The following MAGI1 variants were observed in gnomAD, a reference collection of about 807,000 sequenced individuals.
The protein encoded by MAGI1 is membrane-associated guanylate kinase, WW and PDZ domain-containing protein 1.
Under a neutral mutation model 139.9 loss-of-function variants are expected in MAGI1, and 58 were observed. That is an observed-to-expected ratio of 0.41 (90% CI 0.34 to 0.52). The LOEUF (loss-of-function observed/expected upper bound fraction) is 0.52. Among genes scored for constraint, MAGI1 ranks in the 20% least tolerant of loss-of-function variants. MAGI1 has a pLI of 0.12. For missense variants in MAGI1, 1,874 were observed against 1,901.6 expected, an observed-to-expected ratio of 0.99 and a Z score of 0.27; for synonymous variants, 812 against 737.9, an observed-to-expected ratio of 1.10 and a Z score of -1.63.
At chr3:65,780,343 A>G (rs1461286469) in intron 1 of MAGI1, among the ~76,000 whole-genome samples, 1 of 152,216 alleles carries the variant, frequency 6.6e-6, no homozygotes, top group African/African-American at 2.4e-5. Context: ...ATCTTAAGAT[A>G]TACTGATTAA....
chr3:65,850,924 T>A (rs564691992), intron 1 of MAGI1, among the ~76,000 whole-genome samples: 1 of 152,174 alleles, frequency 6.6e-6, no homozygotes. Flanking sequence ...CTGGCCAACA[T>A]GGTGAAACCC....
intron 12 of MAGI1, among the ~76,000 whole-genome samples, chr3:65,415,691 C>T (rs541133999): frequency 9.2e-5 from 14 of 152,176 alleles, no homozygotes; most frequent in Non-Finnish European, 2.1e-4. Context: ...ACAAACAGAA[C>T]ACAGAGTTTC....
intron 12 of MAGI1, among the ~76,000 whole-genome samples, chr3:65,415,020 C>A (rs12491809): frequency 0.014 from 1,714 of 120,160 alleles, 2 homozygotes; most frequent in African/African-American, 0.021. Context: ...AAAAAAAAAA[C>A]AAAAAAAAAA....
At chr3:65,359,622 T>G in intron 22 of MAGI1, 2 of 994,742 alleles carry the variant, frequency 2.0e-6, no homozygotes, top group South Asian at 4.5e-5. Flanking sequence ...ATATTGGAAC[T>G]TAACATATTA....
chr3:65,674,165 G>A (rs932790394), intron 1 of MAGI1, among the ~76,000 whole-genome samples: 1 of 152,160 alleles, frequency 6.6e-6, no homozygotes, highest in Non-Finnish European at 1.5e-5. Context: ...AAAGATATAA[G>A]CAATGACCAT....
intron 1 of MAGI1, among the ~76,000 whole-genome samples, chr3:65,966,461 C>A (rs2064746151): frequency 6.6e-6 from 1 of 152,074 alleles, no homozygotes; most frequent in African/African-American, 2.4e-5. Context: ...CTTATAGAAT[C>A]CTGAAATTTC....
At chr3:65,818,049 TGTGTG>T (rs1289638138) in intron 1 of MAGI1, among the ~76,000 whole-genome samples, 1 of 151,054 alleles carries the variant, frequency 6.6e-6, no homozygotes, top group Non-Finnish European at 1.5e-5. Flanking sequence ...TATGAGTGTG[TGTGTG>T]TGTGTGTGTG....
intron 1 of MAGI1, among the ~76,000 whole-genome samples, chr3:65,964,529 G>A (rs556475516): frequency 8.9e-4 from 135 of 152,080 alleles, no homozygotes; most frequent in African/African-American, 3.1e-3. Context: ...GGGGTAGTGC[G>A]GGGGCGGGGG....
chr3:65,818,951 T>A (rs1017116664), intron 1 of MAGI1, among the ~76,000 whole-genome samples: 8 of 152,200 alleles, frequency 5.3e-5, no homozygotes, highest in African/African-American at 1.9e-4. Flanking sequence ...TCTATTTAAC[T>A]GTACCCTCAG....
rs893686050 is a variant in MAGI1 at position 65,401,931 on chromosome 3, A to G, written c.2168-461T>C. On this transcript the variant is annotated intron_variant, in intron 12 of 22. Transcript: ENST00000402939. ...CAAAGGAGTACATGGTTAAAATTAA[A>G]AAAATTTTTTTGGTCTTTTCTTTTT... 9 of 983,932 alleles carry G rather than the reference A, an allele frequency of 9.1e-6. No individual in the cohort carries two copies. In the East Asian group the frequency reaches 8.0e-4, roughly 87 times the overall value. The allele number at this position is 983,932 out of a possible 1,614,324, so 61.0% of individuals were successfully genotyped here.
intron 1 of MAGI1, among the ~76,000 whole-genome samples, chr3:65,763,374 T>G (rs1419946964): frequency 6.6e-6 from 1 of 152,186 alleles, no homozygotes; most frequent in Non-Finnish European, 1.5e-5. Context: ...AAGACTTATA[T>G]TACATAAATT....
chr3:65,908,225 C>T (rs1039602257), intron 1 of MAGI1, among the ~76,000 whole-genome samples: 9 of 152,074 alleles, frequency 5.9e-5, no homozygotes, highest in African/African-American at 9.7e-5. Flanking sequence ...AAAATGTCTA[C>T]GAAACAACAA....
intron 1 of MAGI1, among the ~76,000 whole-genome samples, chr3:65,931,974 C>G (rs1480409233): frequency 3.3e-5 from 5 of 152,148 alleles, no homozygotes; most frequent in Admixed American, 2.6e-4. Context: ...TTTCCTGAAA[C>G]TTGGAGTTAC....
intron 1 of MAGI1, among the ~76,000 whole-genome samples, chr3:65,853,281 C>T (rs2108403758): frequency 6.6e-6 from 1 of 152,312 alleles, no homozygotes; most frequent in South Asian, 2.1e-4. Context: ...TAGCCCAACC[C>T]AACATGATGT....
At chr3:65,377,096 A>G (rs1054056029) in intron 17 of MAGI1, among the ~76,000 whole-genome samples, 3 of 152,198 alleles carry the variant, frequency 2.0e-5, no homozygotes, top group Admixed American at 2.0e-4. Flanking sequence ...GGACATTACA[A>G]CTAACTGAGT....
chr3:65,440,128 C>T, intron 8 of MAGI1, 116 bp from the exon 9 acceptor site: 1 of 1,128,786 alleles, frequency 8.9e-7, no homozygotes, highest in Non-Finnish European at 1.3e-6. Context: ...GAGATGCTAA[C>T]CCTCGTGTGT....
intron 2 of MAGI1, among the ~76,000 whole-genome samples, chr3:65,606,621 G>C (rs2082756551): frequency 6.6e-6 from 1 of 152,152 alleles, no homozygotes; most frequent in Non-Finnish European, 1.5e-5. Flanking sequence ...AGGCTCAAGT[G>C]ACTCTCCTGC....
chr3:65,396,806 C>T (rs924295623), intron 13 of MAGI1, among the ~76,000 whole-genome samples: 11 of 152,194 alleles, frequency 7.2e-5, no homozygotes, highest in African/African-American at 2.7e-4. Context: ...AAATCAGAGA[C>T]TCGAATCCAA....
intron 1 of MAGI1, among the ~76,000 whole-genome samples, chr3:65,792,016 T>G (rs1189662337): frequency 6.6e-6 from 1 of 151,984 alleles, no homozygotes; most frequent in Admixed American, 6.6e-5. Context: ...TACCCAAGTC[T>G]ACGTATTTTT....
Sources: allele counts gnomAD v4.1 joint callset (sites outside exome capture counted in the v4.1 genomes callset), GRCh38; gene constraint gnomAD v4.1.1; transcripts MANE v1.5; gene names NCBI Gene and HGNC (gene_info 2026-07-23, HGNC 2026-07-21).